TULP4: variants seen among roughly 807,000 people sequenced by gnomAD.
The protein encoded by TULP4 is TUB like protein 4, also known as tubby-related protein 4.
A neutral mutation model predicts 129.0 loss-of-function variants in TULP4; 16 were observed. The observed-to-expected ratio is 0.12, with a 90% confidence interval of 0.08 to 0.19. The LOEUF (loss-of-function observed/expected upper bound fraction) is 0.19, where lower values mean the gene tolerates loss of function less well. TULP4 is among the 10% of genes least tolerant of loss of function. The pLI, the probability that TULP4 is intolerant of heterozygous loss-of-function variation, is 1.00. For missense variants in TULP4, 1,842 were observed against 2,059.1 expected, an observed-to-expected ratio of 0.89 and a Z score of 2.04; for synonymous variants, 998 against 854.0, an observed-to-expected ratio of 1.17 and a Z score of -2.94.
chr6:158,365,701 G>T (rs554430150), intron 1 of TULP4, among the ~76,000 whole-genome samples: 36 of 151,656 alleles, frequency 2.4e-4, no homozygotes, highest in Non-Finnish European at 4.4e-4. Context: ...TCGATCTCCT[G>T]ACCTTGTGAT....
chr6:158,241,625 C>T lies in TULP4; in HGVS notation n.68+9322C>T, dbSNP rs181936130. 3.2e-3 allele frequency among the ~76,000 whole-genome samples: 485 copies of T among 152,098 alleles called. 11 individuals carry two copies. Among genetic ancestry groups the T allele is most frequent in the Admixed American group, 0.025 (383 of 15,300 alleles). ...TTGTTTTTTTTTTGAGATGGTGTCT[C>T]GCTCTGTCACCCAGGCTGGAGTGCA... On this transcript the variant is annotated intron_variant and non_coding_transcript_variant, in intron 1 of 1. Coordinates refer to the TULP4 transcript ENST00000620026.
intron 1 of TULP4, among the ~76,000 whole-genome samples, chr6:158,298,867 C>T (rs959393029): frequency 7.9e-5 from 12 of 152,036 alleles, no homozygotes; most frequent in Admixed American, 4.6e-4. Flanking sequence ...CCGGGGATGC[C>T]GAACAGGTAG....
chr6:158,349,731 T>G (rs10455819), intron 1 of TULP4, among the ~76,000 whole-genome samples: 1 of 115,894 alleles, frequency 8.6e-6, no homozygotes, highest in Non-Finnish European at 1.8e-5. Flanking sequence ...CGGGCAGAGG[T>G]GCTCCTCAAT....
chr6:158,330,885 G>T (rs1042660097), intron 1 of TULP4, among the ~76,000 whole-genome samples: 4 of 152,014 alleles, frequency 2.6e-5, no homozygotes, highest in Non-Finnish European at 4.4e-5. Context: ...AGAATGTTTG[G>T]TATTTTGTGT....
At chr6:158,271,169 A>C (rs991809098) in intron 1 of TULP4, among the ~76,000 whole-genome samples, 2 of 148,824 alleles carry the variant, frequency 1.3e-5, no homozygotes, top group African/African-American at 4.9e-5. Flanking sequence ...AAAAAAAAAA[A>C]GATGCTGTAC....
At chr6:158,447,755 C>T (rs1325848154) in intron 3 of TULP4, among the ~76,000 whole-genome samples, 1 of 152,198 alleles carries the variant, frequency 6.6e-6, no homozygotes. Flanking sequence ...TAAATTCTAG[C>T]CTTTCTAGTC....
rs1779415099 is a variant in TULP4, at chr6:158,313,633, C to T, written c.-384C>T. On this transcript the variant is annotated 5_prime_UTR_variant, in exon 1 of 14. Coordinates refer to ENST00000367097, the MANE Select transcript of TULP4 (RefSeq NM_020245.5). ...GAATCATATTACACTAAACTGGAATCTCAGGCTGAATGAGAATAACCAAGT... is the reference window on the plus strand; with the variant it reads ...GAATCATATTACACTAAACTGGAATTTCAGGCTGAATGAGAATAACCAAGT... The T allele has an allele frequency of 4.6e-6, 2 of 430,402 alleles. No individual in the cohort carries two copies. Among genetic ancestry groups the T allele is most frequent in the African/African-American group, 4.1e-5 (2 of 48,958 alleles). The allele number at this position is 430,402 out of a possible 1,614,324, so 26.7% of individuals were successfully genotyped here. A position where few individuals can be genotyped will look rare whatever the true frequency, so the allele number is the denominator to read the frequency against.
intron 1 of TULP4, among the ~76,000 whole-genome samples, chr6:158,338,108 A>T (rs1251046638): frequency 2.6e-5 from 4 of 152,174 alleles, no homozygotes; most frequent in Non-Finnish European, 4.4e-5. Context: ...AGAGCACCTG[A>T]TGGAAGCATT....
At chr6:158,342,946 AATGTGTGTGTGTGTG>A (rs1562527372) in intron 1 of TULP4, among the ~76,000 whole-genome samples, 1 of 64,086 alleles carries the variant, frequency 1.6e-5, no homozygotes. Context: ...ATTAAAAATA[AATGTGTGTGTGTGTG>A]TGTGTGTGTG....
chr6:158,448,910 C>T (rs1779107725), intron 3 of TULP4, 86 bp from the exon 4 acceptor site: 3 of 1,381,690 alleles, frequency 2.2e-6, no homozygotes, highest in East Asian at 4.8e-5. Context: ...TGTATATTGT[C>T]TTCCTAAAAC....
chr6:158,273,597 C>T (rs1045113071), intron 1 of TULP4, among the ~76,000 whole-genome samples: 1 of 152,198 alleles, frequency 6.6e-6, no homozygotes, highest in African/African-American at 2.4e-5. Context: ...CATGGCAACT[C>T]CATGCCCTGT....
At chr6:158,375,274 T>A (rs1777158550) in intron 1 of TULP4, among the ~76,000 whole-genome samples, 8 of 152,200 alleles carry the variant, frequency 5.3e-5, no homozygotes, top group Admixed American at 5.2e-4. Context: ...GTAATGAAGT[T>A]GGAATTTTTA....
At chr6:158,346,331 CT>C in intron 1 of TULP4, among the ~76,000 whole-genome samples, 1 of 152,196 alleles carries the variant, frequency 6.6e-6, no homozygotes, top group East Asian at 1.9e-4. Context: ...TCCATGAAGT[CT>C]TCACAATTTA....
At chr6:158,494,684 T>C (rs1780289737) in intron 10 of TULP4, 69 bp from the exon 11 acceptor site, 1 of 1,409,732 alleles carries the variant, frequency 7.1e-7, no homozygotes, top group Non-Finnish European at 1.0e-6. Flanking sequence ...TTAACATTCT[T>C]ACTGAGTGAC....
rs113914160 is a variant in TULP4 at position 158,246,023 on chromosome 6, G to GGGTGTGTGTGTGT, written n.68+13721_68+13722insGTGTGTGTGTGTG. ...GTGAGTAATTTGCCTACCCCTTAGG[G>GGGTGTGTGTGTGT]GTGTGTGTGTGTGTGTGTGTGTGTG... On this transcript the variant is annotated intron_variant and non_coding_transcript_variant, in intron 1 of 1. Transcript: ENST00000620026. Among the ~76,000 whole-genome samples the GGGTGTGTGTGTGT allele has an allele frequency of 6.2e-5, 9 of 145,920 alleles. No homozygotes were observed. The East Asian group carries it at 8.1e-4, about 13-fold the overall frequency.
chr6:158,300,766 TG>T (rs1176209891), intron 1 of TULP4, among the ~76,000 whole-genome samples: 1 of 152,246 alleles, frequency 6.6e-6, no homozygotes, highest in Non-Finnish European at 1.5e-5. Flanking sequence ...CACATCCATT[TG>T]CCATAAATCA....
In TULP4 at chr6:158,322,309, C is replaced by A. The variant is rs142453471; in HGVS notation, c.252+8041C>A. On this transcript the variant is annotated intron_variant, in intron 1 of 13. Coordinates refer to ENST00000367097, the MANE Select transcript of TULP4 (RefSeq NM_020245.5). Reference sequence around the variant, plus strand: ...GATATAATGGAGGGCTGTTTTATTTCCTTTAGTGATGGCCTGTTCTTTTTT... The same window carrying A: ...GATATAATGGAGGGCTGTTTTATTTACTTTAGTGATGGCCTGTTCTTTTTT... Among the ~76,000 whole-genome samples, 80 of 152,210 alleles carry A rather than the reference C, an allele frequency of 5.3e-4. 1 individual carries two copies. Among genetic ancestry groups the A allele is most frequent in the African/African-American group, 1.8e-3 (74 of 41,540 alleles).
rs1287913332 is a variant in TULP4, at chr6:158,239,443, G to A, written n.68+7140G>A. ...CCCCCACCTCCCTCCCGGACGGGGCGGCTGGCCGGGTGGGGGGCTGACCCC... is the reference window on the plus strand; with the variant it reads ...CCCCCACCTCCCTCCCGGACGGGGCAGCTGGCCGGGTGGGGGGCTGACCCC... On this transcript the variant is annotated intron_variant and non_coding_transcript_variant, in intron 1 of 1. Transcript: ENST00000620026. Among the ~76,000 whole-genome samples the A allele has an allele frequency of 8.3e-4, 57 of 68,618 alleles. 4 individuals are homozygous for A. Among genetic ancestry groups the A allele is most frequent in the African/African-American group, 2.3e-3 (50 of 21,334 alleles). 45.0% of individuals were successfully genotyped at this position (68,618 alleles called of 152,430 possible).
chr6:158,281,259 G>T (rs1229166653), upstream of TULP4, among the ~76,000 whole-genome samples: 1 of 151,068 alleles, frequency 6.6e-6, no homozygotes, highest in Non-Finnish European at 1.5e-5. Flanking sequence ...TGTTGCCCAG[G>T]CTGGAGTGCA....
Sources: gnomAD v4.1 joint callset for allele counts (sites outside exome capture counted in the v4.1 genomes callset) on GRCh38, gnomAD v4.1.1 for gene constraint, MANE v1.5 for transcripts, NCBI Gene and HGNC (gene_info 2026-07-23, HGNC 2026-07-21) for gene names.